The following SERPINE2 variants were observed in gnomAD, a reference collection of about 807,000 sequenced individuals.
SERPINE2 encodes glia-derived nexin.
Under a neutral mutation model 36.3 loss-of-function variants are expected in SERPINE2, and 14 were observed. The ratio of observed to expected loss-of-function variants is 0.39; its 90% confidence interval spans 0.25 to 0.60. The LOEUF (loss-of-function observed/expected upper bound fraction) is 0.60. SERPINE2 is among the 20% of genes least tolerant of loss of function. The pLI is 0.57. For missense variants in SERPINE2, 418 were observed against 499.6 expected (o/e 0.84, Z 1.56); for synonymous variants, 192 against 191.8 (o/e 1.00, Z -0.01).
intron 1 of SERPINE2, among the ~76,000 whole-genome samples, chr2:224,019,769 A>ATTTTTTT (rs1559216905): frequency 0.084 from 677 of 8,036 alleles, 4 homozygotes; most frequent in African/African-American, 0.15. Context: ...TTTTTTTAAA[A>ATTTTTTT]AAAAAAAAAG....
chr2:223,978,040 C>CT (rs1269826010), intron 7 of SERPINE2: 4 of 164,134 alleles, frequency 2.4e-5, no homozygotes, highest in South Asian at 1.7e-4. Context: ...GCCCCCAGTC[C>CT]TTTTTTTTGG....
At chr2:224,030,298 A>C in intron 1 of SERPINE2, 5 of 882,330 alleles carry the variant, frequency 5.7e-6, no homozygotes, top group Non-Finnish European at 6.8e-6. Context: ...AAGCATGCAA[A>C]GACACAGAGC....
chr2:224,018,834 T>C (rs1451511344), intron 1 of SERPINE2, among the ~76,000 whole-genome samples: 1 of 152,154 alleles, frequency 6.6e-6, no homozygotes, highest in African/African-American at 2.4e-5. Flanking sequence ...AAGCTCTCCA[T>C]TGTTTGAATG....
At chr2:224,028,001 G>C (rs1692241181) in intron 1 of SERPINE2, among the ~76,000 whole-genome samples, 1 of 152,190 alleles carries the variant, frequency 6.6e-6, no homozygotes, top group Non-Finnish European at 1.5e-5. Context: ...AGTGAATACA[G>C]AGACGACACA....
At chr2:224,010,627 A>C (rs1273738315) in intron 1 of SERPINE2, among the ~76,000 whole-genome samples, 1 of 152,218 alleles carries the variant, frequency 6.6e-6, no homozygotes, top group Non-Finnish European at 1.5e-5. Flanking sequence ...CCTACTACCC[A>C]TTAACCAAGA....
intron 4 of SERPINE2, among the ~76,000 whole-genome samples, chr2:223,986,157 G>T (rs1247406457): frequency 6.6e-6 from 1 of 152,206 alleles, no homozygotes; most frequent in Non-Finnish European, 1.5e-5. Flanking sequence ...GGGAAAGAGA[G>T]TGTACTTGAT....
At chr2:224,037,350 G>C (rs1425459590) in intron 1 of SERPINE2, among the ~76,000 whole-genome samples, 1 of 150,000 alleles carries the variant, frequency 6.7e-6, no homozygotes, top group African/African-American at 2.4e-5. Context: ...GATTACAGTG[G>C]GAGTCCGGTT....
chr2:223,988,050 G>A (rs1420071488), intron 4 of SERPINE2, among the ~76,000 whole-genome samples: 7 of 152,202 alleles, frequency 4.6e-5, no homozygotes, highest in African/African-American at 1.7e-4. Flanking sequence ...CTAGGCTGGA[G>A]TCCAAAGGGA....
At chr2:224,013,561 G>A (rs1230074449) in intron 1 of SERPINE2, among the ~76,000 whole-genome samples, 1 of 152,230 alleles carries the variant, frequency 6.6e-6, no homozygotes, top group African/African-American at 2.4e-5. Context: ...CTCCCAGGGA[G>A]TAAGAACAGT....
At position 224,016,717 on chromosome 2, in the gene SERPINE2, A is replaced by C. The variant is rs574026209; in HGVS notation, c.-22-14795T>G. On this transcript the variant is annotated intron_variant, in intron 1 of 8. Transcript: ENST00000409304. The stretch of plus-strand genomic sequence containing the variant: ...TTATTTTTTAATAGTCCCAAAGTGG[A>C]AACATCCCAGATGTTCTTCAGTAGG... Among the ~76,000 whole-genome samples, 42 of 152,316 alleles carry C rather than the reference A, an allele frequency of 2.8e-4. 1 individual carries two copies. Among genetic ancestry groups the C allele is most frequent in the African/African-American group, 9.6e-4 (40 of 41,558 alleles).
At chr2:224,003,977 C>G (rs879439126) in intron 1 of SERPINE2, among the ~76,000 whole-genome samples, 20 of 152,174 alleles carry the variant, frequency 1.3e-4, no homozygotes, top group Non-Finnish European at 2.6e-4. Context: ...GCAAAACTGG[C>G]CCCGTATTTG....
At chr2:224,018,122 C>G (rs1691862075) in intron 1 of SERPINE2, among the ~76,000 whole-genome samples, 2 of 152,196 alleles carry the variant, frequency 1.3e-5, no homozygotes, top group African/African-American at 4.8e-5. Flanking sequence ...CAGCTCAGCC[C>G]TGTGACTCCA....
At chr2:223,997,555 T>C (rs1690938849) in intron 3 of SERPINE2, among the ~76,000 whole-genome samples, 1 of 152,206 alleles carries the variant, frequency 6.6e-6, no homozygotes, top group South Asian at 2.1e-4. Context: ...CGTTAGACTC[T>C]CCTTTATTTA....
intron 1 of SERPINE2, chr2:224,030,307 G>T: frequency 1.2e-6 from 1 of 812,254 alleles, no homozygotes; most frequent in Non-Finnish European, 1.5e-6. Context: ...AAGACACAGA[G>T]CAAGTCACTC....
chr2:224,018,288 G>A (rs1691867871), intron 1 of SERPINE2, among the ~76,000 whole-genome samples: 1 of 152,178 alleles, frequency 6.6e-6, no homozygotes, highest in Non-Finnish European at 1.5e-5. Flanking sequence ...ACTGAAATAG[G>A]GTGGGATTAT....
chr2:223,976,102 C>T (rs1294670566), intron 8 of SERPINE2, among the ~76,000 whole-genome samples, 198 bp from the exon 9 acceptor site: 1 of 152,078 alleles, frequency 6.6e-6, no homozygotes, highest in Non-Finnish European at 1.5e-5. Flanking sequence ...CACATGTGGC[C>T]AGAGAGTGCT....
At chr2:224,030,280 T>C in intron 1 of SERPINE2, 1 of 957,848 alleles carries the variant, frequency 1.0e-6, no homozygotes, top group South Asian at 4.8e-5. Context: ...GAAAGGTGTC[T>C]GGAAACAAAG....
chr2:224,020,784 T>C (rs1313335193), intron 1 of SERPINE2, among the ~76,000 whole-genome samples: 1 of 152,208 alleles, frequency 6.6e-6, no homozygotes, highest in Non-Finnish European at 1.5e-5. Flanking sequence ...TAATGCATGA[T>C]TTAAAGCACC....
At chr2:224,034,127 TAAAAC>T (rs1413666756) in intron 1 of SERPINE2, among the ~76,000 whole-genome samples, 2 of 152,058 alleles carry the variant, frequency 1.3e-5, no homozygotes, top group African/African-American at 4.8e-5. Flanking sequence ...CTGGTGCAAA[TAAAAC>T]TAAAACACAG....
Sources: allele counts gnomAD v4.1 joint callset (sites outside exome capture counted in the v4.1 genomes callset), GRCh38; gene constraint gnomAD v4.1.1; transcripts MANE v1.5; gene names NCBI Gene and HGNC (gene_info 2026-07-23, HGNC 2026-07-21).